Variants in MYO5A observed in about 807,000 individuals in gnomAD.
MYO5A encodes unconventional myosin-Va.
Under a neutral mutation model 249.7 loss-of-function variants are expected in MYO5A, and 98 were observed. The ratio of observed to expected loss-of-function variants is 0.39; its 90% CI spans 0.33 to 0.46. MYO5A has a LOEUF of 0.46. MYO5A is among the 20% of genes least tolerant of loss of function. The pLI is 0.98. For synonymous variants in MYO5A, 778 were observed against 810.6 expected (o/e 0.96, Z 0.68); for missense variants, 1,696 against 2,308.8 (o/e 0.73, Z 5.44).
At chr15:52,358,974 A>G (rs1335289401) in intron 25 of MYO5A, among the ~76,000 whole-genome samples, 1 of 152,216 alleles carries the variant, frequency 6.6e-6, no homozygotes, top group Non-Finnish European at 1.5e-5. Context: ...TCAGTAGAAT[A>G]TAATGGCTTA....
chr15:52,353,829 T>C (rs2040070950), intron 26 of MYO5A, 42 bp downstream of exon 26: 3 of 1,611,154 alleles, frequency 1.9e-6, no homozygotes, highest in Non-Finnish European at 2.5e-6. Flanking sequence ...GAAATGGACA[T>C]AAAGCCCAGC....
chr15:52,492,692 T>A (rs1407491675), intron 1 of MYO5A, among the ~76,000 whole-genome samples: 1 of 152,194 alleles, frequency 6.6e-6, no homozygotes, highest in East Asian at 1.9e-4. Flanking sequence ...CCTGCTATGC[T>A]CTTTTCTGCA....
chr15:52,491,769 A>C (rs1340138720), intron 1 of MYO5A, among the ~76,000 whole-genome samples: 2 of 152,246 alleles, frequency 1.3e-5, no homozygotes, highest in African/African-American at 4.8e-5. Context: ...AAAAACTCAT[A>C]CACGAAGCAT....
Position 52,428,648 on chromosome 15 carries a change from C to G in MYO5A, c.139-79G>C, listed in dbSNP as rs1189555311. On this transcript the variant is annotated intron_variant, in intron 2 of 41. Coordinates refer to ENST00000399233, the MANE Select transcript of MYO5A (RefSeq NM_001382347.1). The stretch of plus-strand genomic sequence containing the variant: ...GAGGCCCATGCATTTTGCTTACTTC[C>G]TATTCCTGATTTGCTTCTCAGCTAT... 2.8e-6 allele frequency: 4 copies of G among 1,448,810 alleles called. No homozygotes were observed. The South Asian group carries it at 3.4e-5, about 12-fold the overall frequency. The allele number at this position is 1,448,810 out of a possible 1,614,324, so 89.7% of individuals were successfully genotyped here.
chr15:52,417,648 C>G (rs1464964), intron 4 of MYO5A, among the ~76,000 whole-genome samples: 71,448 of 151,976 alleles, frequency 0.47, 18,558 homozygotes, highest in East Asian at 0.85. Flanking sequence ...TGAGGCCCCT[C>G]CCCTCAGGAA....
chr15:52,395,630 C>T (rs1214747007), intron 11 of MYO5A, among the ~76,000 whole-genome samples: 1 of 152,144 alleles, frequency 6.6e-6, no homozygotes, highest in African/African-American at 2.4e-5. Flanking sequence ...TTATTATCTC[C>T]ATTTTACAGA....
intron 4 of MYO5A, among the ~76,000 whole-genome samples, chr15:52,423,853 C>G (rs1444817466): frequency 2.0e-5 from 3 of 152,086 alleles, no homozygotes; most frequent in African/African-American, 7.2e-5. Flanking sequence ...CAAGGTAAAT[C>G]TAAAGGTAAA....
In MYO5A at chr15:52,384,017, T is replaced by C. The variant is rs983444581; in HGVS notation, c.1914+144A>G. ...AAAACTGGGTGGAGAAGAGTTTTAGTGGATGGTGTCGTATGATCTCACAGT... is the reference window on the plus strand; with the variant it reads ...AAAACTGGGTGGAGAAGAGTTTTAGCGGATGGTGTCGTATGATCTCACAGT... On this transcript the variant is annotated intron_variant, in intron 15 of 41. Transcript: ENST00000399233. 8 of 917,588 alleles carry C rather than the reference T, an allele frequency of 8.7e-6. No homozygotes were observed. In the African/African-American group the frequency reaches 1.0e-4, roughly 12 times the overall value. 56.8% of individuals were successfully genotyped at this position (917,588 alleles called of 1,614,324 possible). A position where few individuals can be genotyped will look rare whatever the true frequency, so the allele number is the denominator to read the frequency against.
chr15:52,491,352 G>T (rs972049365), intron 1 of MYO5A, among the ~76,000 whole-genome samples: 1 of 152,074 alleles, frequency 6.6e-6, no homozygotes, highest in East Asian at 1.9e-4. Context: ...TAATGCATGT[G>T]GGGGTCTACA....
chr15:52,505,251 C>T, intron 1 of MYO5A: 1 of 775,356 alleles, frequency 1.3e-6, no homozygotes, highest in South Asian at 1.3e-5. Flanking sequence ...ACCTGACAGA[C>T]AAGAGCTACA....
At chr15:52,481,195 G>C (rs1266854570) in intron 1 of MYO5A, among the ~76,000 whole-genome samples, 1 of 152,222 alleles carries the variant, frequency 6.6e-6, no homozygotes, top group Admixed American at 6.5e-5. Flanking sequence ...TGGTGTGCCT[G>C]TAACTCATGA....
intron 29 of MYO5A, among the ~76,000 whole-genome samples, chr15:52,348,277 GCAA>G (rs2039748260): frequency 6.7e-6 from 1 of 148,994 alleles, no homozygotes; most frequent in South Asian, 2.2e-4. Context: ...GAAAATTCCA[GCAA>G]TATCTGTCAC....
At chr15:52,325,363 GC>G (rs925079956) in intron 36 of MYO5A, among the ~76,000 whole-genome samples, 2 of 151,464 alleles carry the variant, frequency 1.3e-5, no homozygotes, top group African/African-American at 4.9e-5. Context: ...AAATAATCCA[GC>G]ATCTGTTTTC....
rs145899784 is a variant in MYO5A at position 52,389,543 on chromosome 15, A to G, written c.1543-180T>C. Among the ~76,000 whole-genome samples the G allele has an allele frequency of 8.2e-3, 1,255 of 152,298 alleles. 16 individuals carry two copies. Among genetic ancestry groups the G allele is most frequent in the African/African-American group, 0.027 (1,139 of 41,532 alleles). On this transcript the variant is annotated intron_variant, in intron 12 of 41. Transcript: ENST00000399233. ...GTTAGAGGCCAACAACCAATTACTAATGAATAGTATGACTGAGACCTTCTC... is the reference window on the plus strand; with the variant it reads ...GTTAGAGGCCAACAACCAATTACTAGTGAATAGTATGACTGAGACCTTCTC...
chr15:52,421,020 T>C (rs998513654), intron 4 of MYO5A, among the ~76,000 whole-genome samples: 1 of 152,192 alleles, frequency 6.6e-6, no homozygotes, highest in Non-Finnish European at 1.5e-5. Flanking sequence ...CCTGGCACCA[T>C]GTTTGGTACA....
At chr15:52,383,250 A>T in intron 15 of MYO5A, 62 bp from the exon 16 acceptor site, 2 of 1,343,578 alleles carry the variant, frequency 1.5e-6, no homozygotes, top group Non-Finnish European at 2.1e-6. Flanking sequence ...GTGAGGTAAA[A>T]CAATGGGAAA....
intron 1 of MYO5A, among the ~76,000 whole-genome samples, chr15:52,471,444 A>G (rs1425441738): frequency 6.6e-6 from 1 of 152,012 alleles, no homozygotes; most frequent in Non-Finnish European, 1.5e-5. Context: ...TCTCATTTGA[A>G]AAAAGAAAAA....
chr15:52,376,502 C>T lies in MYO5A; in HGVS notation c.2265G>A (p.Val755=). 1 of 1,614,176 alleles carries T rather than the reference C, an allele frequency of 6.2e-7. No individual in the cohort carries two copies. The highest frequency in any genetic ancestry group is 8.5e-7 in the Non-Finnish European group (1 of 1,180,028). The change falls in exon 19 of 42, where the codon GTG becomes GTA. Residue 755 remains valine, a synonymous_variant. Coordinates refer to ENST00000399233, the MANE Select transcript of MYO5A (RefSeq NM_001382347.1). The part of the protein sequence containing the change: ...KTKIFFRAGQ[V]AYLEKLRADK... ...CAGCTCTCAATTTTTCTAGATAGGC[C>T]ACTTGACCGGCACGGAAAAAGATCT...
intron 1 of MYO5A, among the ~76,000 whole-genome samples, chr15:52,438,872 T>TCCACCACC (rs2075724949): frequency 1.3e-5 from 2 of 152,222 alleles, no homozygotes; most frequent in Non-Finnish European, 2.9e-5. Context: ...CCACCACTGC[T>TCCACCACC]GTTTGCCACT....
Sources: gnomAD v4.1 joint callset for allele counts (sites outside exome capture counted in the v4.1 genomes callset) on GRCh38, gnomAD v4.1.1 for gene constraint, MANE v1.5 for transcripts, NCBI Gene and HGNC (gene_info 2026-07-23, HGNC 2026-07-21) for gene names.